Variants in ACTN2 observed in about 807,000 individuals in gnomAD.
The protein encoded by ACTN2 is actinin alpha 2.
Under a neutral mutation model 113.8 loss-of-function variants are expected in ACTN2, and 39 were observed. The observed-to-expected ratio is 0.34, with a 90% confidence interval of 0.27 to 0.45. The LOEUF (loss-of-function observed/expected upper bound fraction) is 0.45. Ranked by LOEUF, ACTN2 falls within the 20% of genes least tolerant of loss-of-function variation. The probability of loss-of-function intolerance (pLI) is 1.00; values close to 1 mark genes in which losing one functional copy is unlikely to be tolerated. For synonymous variants in ACTN2, 429 were observed against 444.1 expected (o/e 0.97, Z 0.43); for missense variants, 992 against 1,177.9 (o/e 0.84, Z 2.31).
chr1:236,753,054 A>AACTC (rs1199931841), intron 15 of ACTN2, among the ~76,000 whole-genome samples: 8 of 152,322 alleles, frequency 5.3e-5, no homozygotes, highest in African/African-American at 1.9e-4. Flanking sequence ...ATTAAAATGT[A>AACTC]ACTCACAAAT....
chr1:236,754,122 G>A lies in ACTN2; in HGVS notation c.1974+41G>A, dbSNP rs770577345. 27 of 1,610,682 alleles carry A rather than the reference G, an allele frequency of 1.7e-5. 1 individual carries two copies. The highest frequency in any genetic ancestry group is 7.7e-5 in the South Asian group (7 of 91,054). On this transcript the variant is annotated intron_variant, in intron 16 of 20. Transcript: ENST00000366578. The surrounding 1 kb of genome is among the most constrained non-coding windows in gnomAD (Gnocchi z 4.9). Reference sequence around the variant, plus strand: ...CCCAGGCGCTGTTCACAAGCCTTGCGATAAGTCCCTTTAGCCACGCAGCAG... The same window carrying A: ...CCCAGGCGCTGTTCACAAGCCTTGCAATAAGTCCCTTTAGCCACGCAGCAG...
At chr1:236,737,971 C>G (rs1658942201) in intron 9 of ACTN2, among the ~76,000 whole-genome samples, 1 of 152,208 alleles carries the variant, frequency 6.6e-6, no homozygotes, top group Non-Finnish European at 1.5e-5. Flanking sequence ...ATACTTCAGA[C>G]CAAATAATTT....
At chr1:236,731,099 A>G (rs1658699951) in intron 6 of ACTN2, 134 bp from the exon 7 acceptor site, 6 of 661,450 alleles carry the variant, frequency 9.1e-6, no homozygotes, top group Non-Finnish European at 1.6e-5. Context: ...AAAGATGAAA[A>G]GGAAAGTTAC....
intron 12 of ACTN2, among the ~76,000 whole-genome samples, chr1:236,745,687 T>A (rs921397484): frequency 1.3e-5 from 2 of 152,294 alleles, no homozygotes; most frequent in African/African-American, 4.8e-5. Flanking sequence ...AGAGCCTCCA[T>A]GCCGTGTTTC....
chr1:236,759,930 G>A, intron 19 of ACTN2, 141 bp downstream of exon 19: 1 of 765,950 alleles, frequency 1.3e-6, no homozygotes. Flanking sequence ...TTTTTTGAAG[G>A]TCTCACTGTT....
chr1:236,735,878 AC>A (rs1176618135), intron 8 of ACTN2, among the ~76,000 whole-genome samples, 158 bp downstream of exon 8: 4 of 152,056 alleles, frequency 2.6e-5, no homozygotes, highest in African/African-American at 9.7e-5. Flanking sequence ...AACTGTGAAA[AC>A]TTTTTTTTAA....
chr1:236,743,441 A>G (rs993685035), intron 11 of ACTN2, among the ~76,000 whole-genome samples: 1 of 152,220 alleles, frequency 6.6e-6, no homozygotes, highest in Non-Finnish European at 1.5e-5. Context: ...ATAATATCCT[A>G]TGTAGAAAAT....
chr1:236,715,724 G>A (rs958934774), intron 1 of ACTN2, among the ~76,000 whole-genome samples: 1 of 152,150 alleles, frequency 6.6e-6, no homozygotes, highest in East Asian at 1.9e-4. Context: ...GAGAGGCCGA[G>A]GCAGATGGAT....
chr1:236,712,426 A>G (rs951733313), intron 1 of ACTN2, among the ~76,000 whole-genome samples: 7 of 152,242 alleles, frequency 4.6e-5, no homozygotes, highest in African/African-American at 1.7e-4. Flanking sequence ...AGTATTCATT[A>G]AAGATAGGGA....
At chr1:236,727,018 A>G (rs1441362536) in intron 5 of ACTN2, among the ~76,000 whole-genome samples, 1 of 152,178 alleles carries the variant, frequency 6.6e-6, no homozygotes, top group Non-Finnish European at 1.5e-5. Context: ...CAGAACTCCC[A>G]CACTCTGCTG....
At chr1:236,758,535 C>T (rs180848027) in intron 18 of ACTN2, among the ~76,000 whole-genome samples, 1 of 151,638 alleles carries the variant, frequency 6.6e-6, no homozygotes, top group East Asian at 1.9e-4. Flanking sequence ...ATGATCCACC[C>T]ACCTTGGCCT....
At chr1:236,710,011 G>A (rs1164585106) in intron 1 of ACTN2, among the ~76,000 whole-genome samples, 6 of 152,190 alleles carry the variant, frequency 3.9e-5, no homozygotes, top group Non-Finnish European at 7.3e-5. Context: ...TTTTACAGAA[G>A]CCAGCCCAGG....
chr1:236,694,018 C>G (rs1261676985), intron 1 of ACTN2, among the ~76,000 whole-genome samples: 1 of 152,064 alleles, frequency 6.6e-6, no homozygotes, highest in Admixed American at 6.5e-5. Flanking sequence ...GCCCTTGTCT[C>G]TTCCATAGAC....
At position 236,731,291 on chromosome 1, in the gene ACTN2, T is replaced by C. The variant is rs1553301462; in HGVS notation, c.674T>C (p.Ile225Thr). 1.2e-6 allele frequency: 2 copies of C among 1,613,742 alleles called. No homozygotes were observed. Among genetic ancestry groups the C allele is most frequent in the Admixed American group, 3.3e-5 (2 of 60,010 alleles). The change falls in exon 7 of 21, where the codon ATT (isoleucine) becomes ACT (threonine). Residue 225 changes from isoleucine to threonine, a missense_variant. This residue lies in a region of ACTN2 where 220 missense variants were observed against 337.5 expected (regional missense o/e 0.65). Transcript: ENST00000366578. Reference sequence around the variant, plus strand: ...GAAATCGCTGAGAAGCACCTGGATATTCCTAAAATGTTGGATGCTGAAGGT... The same window carrying C: ...GAAATCGCTGAGAAGCACCTGGATACTCCTAAAATGTTGGATGCTGAAGGT... Reference protein sequence around the residue: ...AMEIAEKHLDIPKMLDAEDIV... With the variant: ...AMEIAEKHLDTPKMLDAEDIV...
intron 1 of ACTN2, among the ~76,000 whole-genome samples, chr1:236,703,709 C>T (rs533825615): frequency 1.4e-4 from 21 of 150,782 alleles, no homozygotes; most frequent in Admixed American, 4.0e-4. Context: ...AATTTTAAAA[C>T]GCCCTTGGAA....
intron 20 of ACTN2, among the ~76,000 whole-genome samples, chr1:236,761,993 C>T (rs1227800729): frequency 6.6e-6 from 1 of 152,202 alleles, no homozygotes; most frequent in Non-Finnish European, 1.5e-5. Flanking sequence ...CCTCCAACCC[C>T]ACTAAGAAAC....
intron 1 of ACTN2, among the ~76,000 whole-genome samples, chr1:236,700,723 G>A (rs1414489707): frequency 6.6e-6 from 1 of 152,096 alleles, no homozygotes; most frequent in East Asian, 1.9e-4. Context: ...CACCACCCCC[G>A]GAATACAGCC....
intron 15 of ACTN2, among the ~76,000 whole-genome samples, chr1:236,752,470 C>A (rs2102940739): frequency 8.6e-6 from 1 of 116,468 alleles, no homozygotes; most frequent in Non-Finnish European, 1.6e-5. Flanking sequence ...CAAAGAGAGA[C>A]AGGAAACAAA....
chr1:236,732,984 C>G (rs1658755456), intron 7 of ACTN2, among the ~76,000 whole-genome samples: 1 of 152,192 alleles, frequency 6.6e-6, no homozygotes, highest in South Asian at 2.1e-4. Context: ...TTTAATCAAA[C>G]ATCTGTATTA....
Sources: allele counts gnomAD v4.1 joint callset (sites outside exome capture counted in the v4.1 genomes callset), GRCh38; gene constraint gnomAD v4.1.1; regional missense constraint gnomAD v4.1.1; non-coding constraint Gnocchi (gnomAD v3.1); transcripts MANE v1.5; gene names NCBI Gene and HGNC (gene_info 2026-07-23, HGNC 2026-07-21).